DCAF10: variants seen among roughly 807,000 people sequenced by gnomAD.
The protein encoded by DCAF10 is DDB1 and CUL4 associated factor 10.
Under a neutral mutation model 51.9 loss-of-function variants are expected in DCAF10, and 19 were observed. The ratio of observed to expected loss-of-function variants is 0.37; its 90% CI spans 0.26 to 0.54. The LOEUF is 0.54. Among genes scored for constraint, DCAF10 ranks in the 20% least tolerant of loss-of-function variants. DCAF10 has a pLI of 0.87. For missense variants in DCAF10, 510 were observed against 730.6 expected (o/e 0.70, Z 3.48); for synonymous variants, 291 against 297.1 (o/e 0.98, Z 0.21).
At chr9:37,835,772 A>G (rs1830145487) in intron 2 of DCAF10, among the ~76,000 whole-genome samples, 1 of 152,230 alleles carries the variant, frequency 6.6e-6, no homozygotes, top group African/African-American at 2.4e-5. Context: ...TTATCAGTAA[A>G]GGTAAATCTA....
At chr9:37,845,231 T>C (rs1051357396) in intron 3 of DCAF10, among the ~76,000 whole-genome samples, 1 of 152,082 alleles carries the variant, frequency 6.6e-6, no homozygotes, top group Non-Finnish European at 1.5e-5. Context: ...AGTAGATGTA[T>C]GGAAATGATA....
rs1831019691 is a variant in DCAF10, at chr9:37,861,624, C to T, written c.*116C>T. The T allele has an allele frequency of 7.0e-7, 1 of 1,424,754 alleles. No homozygotes were observed. Among genetic ancestry groups the T allele is most frequent in the Non-Finnish European group, 9.4e-7 (1 of 1,067,536 alleles). The allele number at this position is 1,424,754 out of a possible 1,614,324, so 88.3% of individuals were successfully genotyped here. On this transcript the variant is annotated 3_prime_UTR_variant, in exon 7 of 7. Transcript: ENST00000377724. The surrounding 1 kb of genome is among the most constrained non-coding windows in gnomAD (Gnocchi z 4.9). ...ATAAGTTTGGGTCAAGATCCTGGTT[C>T]TTATGGGTCCATGAACACACTTGTG...
At position 37,846,924 on chromosome 9, in the gene DCAF10, T is replaced by C. The variant is rs115761416; in HGVS notation, c.851+4638T>C. Among the ~76,000 whole-genome samples the C allele has an allele frequency of 3.7e-3, 563 of 152,202 alleles. 5 individuals carry two copies. The highest frequency in any genetic ancestry group is 0.013 in the African/African-American group (545 of 41,540). ...CCAACTCATGCTTTGAGTCTACTATTATCCTGATACCAAAACCAGACAGAC... is the reference window on the plus strand; with the variant it reads ...CCAACTCATGCTTTGAGTCTACTATCATCCTGATACCAAAACCAGACAGAC... On this transcript the variant is annotated intron_variant, in intron 3 of 6. Coordinates refer to ENST00000377724, the MANE Select transcript of DCAF10 (RefSeq NM_024345.5).
intron 1 of DCAF10, among the ~76,000 whole-genome samples, chr9:37,812,274 A>G (rs997359955): frequency 1.3e-5 from 2 of 152,194 alleles, no homozygotes; most frequent in East Asian, 3.8e-4. Context: ...ACAACAAAAA[A>G]AAGAAGAAAA....
At chr9:37,808,637 TA>T (rs1361257012) in intron 1 of DCAF10, among the ~76,000 whole-genome samples, 440 of 21,816 alleles carry the variant, frequency 0.02, 13 homozygotes, top group East Asian at 0.17. Flanking sequence ...TAATATAATA[TA>T]AAAATATATA....
At chr9:37,847,932 C>T (rs1830526069) in intron 3 of DCAF10, among the ~76,000 whole-genome samples, 1 of 152,050 alleles carries the variant, frequency 6.6e-6, no homozygotes, top group African/African-American at 2.4e-5. Flanking sequence ...ATAAAATTAA[C>T]AAAAGAGGTA....
chr9:37,826,045 A>G (rs949650401), intron 2 of DCAF10, among the ~76,000 whole-genome samples: 2 of 150,944 alleles, frequency 1.3e-5, no homozygotes, highest in African/African-American at 4.9e-5. Flanking sequence ...AAAAGAAAAA[A>G]AAAAAAGTTT....
chr9:37,822,412 T>TAC (rs1554686542), intron 2 of DCAF10, among the ~76,000 whole-genome samples: 4 of 38,816 alleles, frequency 1.0e-4, no homozygotes, highest in African/African-American at 5.0e-4. Context: ...GTGATATATA[T>TAC]ATATATATAT....
intron 1 of DCAF10, among the ~76,000 whole-genome samples, chr9:37,815,818 G>T (rs1829510075): frequency 6.6e-6 from 1 of 151,968 alleles, no homozygotes; most frequent in Non-Finnish European, 1.5e-5. Context: ...TTTTTTTTGA[G>T]ACAGGGTCTT....
intron 6 of DCAF10, among the ~76,000 whole-genome samples, chr9:37,860,705 T>C (rs1830989554): frequency 6.6e-6 from 1 of 152,118 alleles, no homozygotes; most frequent in Admixed American, 6.6e-5. Flanking sequence ...TTCTCATCAC[T>C]CTGGAAAGCA....
At chr9:37,832,915 G>A (rs1452967128) in intron 2 of DCAF10, among the ~76,000 whole-genome samples, 1 of 152,054 alleles carries the variant, frequency 6.6e-6, no homozygotes, top group African/African-American at 2.4e-5. Context: ...ACAGGGTCTT[G>A]CTCTGTTACC....
chr9:37,815,691 G>A (rs1418893923), intron 1 of DCAF10, among the ~76,000 whole-genome samples: 8 of 151,788 alleles, frequency 5.3e-5, no homozygotes, highest in African/African-American at 1.7e-4. Flanking sequence ...ATTTTTAGAT[G>A]GTATTATTAT....
chr9:37,815,301 G>T (rs990201367), intron 1 of DCAF10, among the ~76,000 whole-genome samples: 1 of 152,116 alleles, frequency 6.6e-6, no homozygotes, highest in African/African-American at 2.4e-5. Flanking sequence ...ACATTGTTCT[G>T]AAAGTCCTAG....
chr9:37,858,144 G>A (rs1830907513), intron 5 of DCAF10, among the ~76,000 whole-genome samples: 1 of 152,072 alleles, frequency 6.6e-6, no homozygotes, highest in Admixed American at 6.6e-5. Context: ...TTCACTGGGT[G>A]GCTTTGCCTA....
chr9:37,850,350 T>G (rs1166748516), intron 3 of DCAF10, among the ~76,000 whole-genome samples: 1 of 152,172 alleles, frequency 6.6e-6, no homozygotes, highest in African/African-American at 2.4e-5. Context: ...TGCAGCACTA[T>G]TCACAGTAGC....
chr9:37,840,024 C>G (rs12342307), intron 2 of DCAF10, among the ~76,000 whole-genome samples: 29,059 of 151,970 alleles, frequency 0.19, 3,177 homozygotes, highest in African/African-American at 0.29. Flanking sequence ...ATGATAGAAG[C>G]TCCCAGAATG....
Position 37,801,350 on chromosome 9 carries a change from T to C in DCAF10, c.484T>C (p.Tyr162His). 1 of 1,576,626 alleles carries C rather than the reference T, an allele frequency of 6.3e-7. No homozygotes were observed. The highest frequency in any genetic ancestry group is 8.6e-7 in the Non-Finnish European group (1 of 1,164,618). The stretch of plus-strand genomic sequence containing the variant: ...TTCCATCCACCCCGCGGACTCGGTG[T>C]ACCTCAGCACCCGCACCCACGGCGC... ...YGSIHPADSV[Y>H]LSTRTHGAVF... is the part of the protein sequence containing the mutation. The change falls in exon 1 of 7, where the codon TAC (tyrosine) becomes CAC (histidine). Residue 162 changes from tyrosine to histidine, a missense_variant. Coordinates refer to ENST00000377724, the MANE Select transcript of DCAF10 (RefSeq NM_024345.5). The surrounding 1 kb of genome is among the most constrained non-coding windows in gnomAD (Gnocchi z 5.5).
At chr9:37,809,727 G>A (rs975277523) in intron 1 of DCAF10, among the ~76,000 whole-genome samples, 1 of 152,162 alleles carries the variant, frequency 6.6e-6, no homozygotes, top group Non-Finnish European at 1.5e-5. Context: ...CGGCTACTCC[G>A]GAGGCTGAGG....
At chr9:37,858,378 C>CCTTCCA (rs1472257380) in intron 5 of DCAF10, 1 of 152,202 alleles carries the variant, frequency 6.6e-6, no homozygotes, top group East Asian at 1.9e-4. Flanking sequence ...TTCCTGTTCT[C>CCTTCCA]CTTCCACTTG....
Sources: allele counts gnomAD v4.1 joint callset (sites outside exome capture counted in the v4.1 genomes callset), GRCh38; gene constraint gnomAD v4.1.1; non-coding constraint Gnocchi (gnomAD v3.1); transcripts MANE v1.5; gene names NCBI Gene and HGNC (gene_info 2026-07-23, HGNC 2026-07-21).